Variants in CTIF observed in about 807,000 individuals in gnomAD.
CTIF encodes cap binding complex dependent translation initiation factor, also known as CBP80/20-dependent translation initiation factor.
A neutral mutation model predicts 66.0 loss-of-function variants in CTIF; 21 were observed. The observed-to-expected ratio is 0.32, with a 90% CI of 0.23 to 0.46. The LOEUF (loss-of-function observed/expected upper bound fraction) is 0.46. Ranked by LOEUF, CTIF falls within the 20% of genes least tolerant of loss-of-function variation. The pLI is 1.00. For synonymous variants in CTIF, 345 were observed against 326.4 expected (o/e 1.06, Z -0.62); for missense variants, 739 against 812.7 (o/e 0.91, Z 1.10).
intron 9 of CTIF, among the ~76,000 whole-genome samples, chr18:48,790,506 T>C (rs931541534): frequency 8.5e-5 from 13 of 152,204 alleles, no homozygotes; most frequent in Non-Finnish European, 1.5e-5. Flanking sequence ...CCCTTTGGCC[T>C]GGGCCCAGCT....
chr18:48,630,675 T>TA (rs2090688819), intron 2 of CTIF, among the ~76,000 whole-genome samples: 1 of 139,222 alleles, frequency 7.2e-6, no homozygotes, highest in African/African-American at 2.8e-5. Context: ...TTTTTTTTTT[T>TA]AATTAATTTA....
intron 11 of CTIF, among the ~76,000 whole-genome samples, chr18:48,858,689 C>G (rs1487055202): frequency 6.6e-6 from 1 of 152,108 alleles, no homozygotes; most frequent in Non-Finnish European, 1.5e-5. Context: ...AATAGGGGCT[C>G]CTTCCCAGTG....
At chr18:48,661,394 A>T (rs1030527067) in intron 3 of CTIF, among the ~76,000 whole-genome samples, 10 of 150,176 alleles carry the variant, frequency 6.7e-5, no homozygotes, top group African/African-American at 2.5e-4. Context: ...TGCATGTATG[A>T]TTTTTTTTTA....
At chr18:48,698,693 A>C (rs2145355319) in intron 6 of CTIF, among the ~76,000 whole-genome samples, 1 of 152,270 alleles carries the variant, frequency 6.6e-6, no homozygotes, top group East Asian at 1.9e-4. Context: ...CAACCTGGTC[A>C]TTCTGGTCTG....
chr18:48,674,047 C>T (rs150046540), intron 6 of CTIF, among the ~76,000 whole-genome samples: 220 of 152,346 alleles, frequency 1.4e-3, no homozygotes, highest in African/African-American at 4.8e-3. Flanking sequence ...GAGCACATGG[C>T]TGTTCTGTAA....
intron 7 of CTIF, among the ~76,000 whole-genome samples, chr18:48,754,946 C>G (rs960158019): frequency 1.8e-4 from 27 of 152,246 alleles, no homozygotes; most frequent in African/African-American, 6.3e-4. Context: ...GCAATTACTT[C>G]CTTCCCCCTC....
intron 10 of CTIF, among the ~76,000 whole-genome samples, chr18:48,835,755 G>T (rs2146493929): frequency 6.6e-6 from 1 of 152,320 alleles, no homozygotes; most frequent in South Asian, 2.1e-4. Flanking sequence ...TGAGGATCAA[G>T]TAGGACATGT....
chr18:48,738,150 C>G (rs11082699), intron 7 of CTIF, among the ~76,000 whole-genome samples: 39,186 of 152,128 alleles, frequency 0.26, 5,866 homozygotes, highest in East Asian at 0.64. Context: ...TTGACTCCAG[C>G]CCTTCTCTCC....
At chr18:48,747,590 G>T (rs964188705) in intron 7 of CTIF, among the ~76,000 whole-genome samples, 3 of 152,072 alleles carry the variant, frequency 2.0e-5, no homozygotes, top group African/African-American at 7.2e-5. Flanking sequence ...GAAAGTTTAG[G>T]AGAAGAGAAA....
intron 11 of CTIF, among the ~76,000 whole-genome samples, chr18:48,857,903 C>CA (rs571333474): frequency 8.5e-5 from 13 of 152,218 alleles, no homozygotes; most frequent in Non-Finnish European, 1.9e-4. Flanking sequence ...CCCTGTCCCC[C>CA]AAAGACCCCC....
At chr18:48,679,833 G>A (rs1434522951) in intron 6 of CTIF, among the ~76,000 whole-genome samples, 1 of 152,320 alleles carries the variant, frequency 6.6e-6, no homozygotes, top group South Asian at 2.1e-4. Flanking sequence ...TCCTGGAGGA[G>A]GTAGACCTGG....
intron 6 of CTIF, among the ~76,000 whole-genome samples, chr18:48,704,358 A>G (rs953663878): frequency 2.0e-5 from 3 of 152,252 alleles, no homozygotes; most frequent in Non-Finnish European, 4.4e-5. Context: ...AGCATTCAAC[A>G]TATACAAATT....
chr18:48,657,255 T>A (rs1382610833), intron 3 of CTIF, among the ~76,000 whole-genome samples: 2 of 152,270 alleles, frequency 1.3e-5, no homozygotes, highest in Non-Finnish European at 2.9e-5. Flanking sequence ...TAACATCCAC[T>A]GAAGAAGTTC....
chr18:48,813,007 T>C (rs1410389560), intron 9 of CTIF, among the ~76,000 whole-genome samples: 1 of 152,198 alleles, frequency 6.6e-6, no homozygotes, highest in African/African-American at 2.4e-5. Context: ...GTTTTTCTTT[T>C]TGTTTCTAGT....
At chr18:48,709,357 C>T (rs897806745) in intron 6 of CTIF, among the ~76,000 whole-genome samples, 5 of 152,240 alleles carry the variant, frequency 3.3e-5, no homozygotes, top group African/African-American at 7.2e-5. Flanking sequence ...CCGAGTGGCC[C>T]GGTATGCCCC....
intron 3 of CTIF, among the ~76,000 whole-genome samples, chr18:48,655,419 A>T (rs2091231259): frequency 6.6e-6 from 1 of 152,002 alleles, no homozygotes; most frequent in South Asian, 2.1e-4. Context: ...AGCTCAAACC[A>T]GACCCCCTGT....
At chr18:48,781,733 G>C (rs927319710) in intron 9 of CTIF, among the ~76,000 whole-genome samples, 2 of 152,104 alleles carry the variant, frequency 1.3e-5, no homozygotes, top group South Asian at 2.1e-4. Flanking sequence ...AAGGGAGGGG[G>C]CATGGGGGCA....
intron 1 of CTIF, among the ~76,000 whole-genome samples, chr18:48,575,596 T>A (rs1249088035): frequency 6.6e-6 from 1 of 152,196 alleles, no homozygotes; most frequent in Non-Finnish European, 1.5e-5. Context: ...TTTATTTATC[T>A]ATGCACCCCC....
intron 6 of CTIF, among the ~76,000 whole-genome samples, chr18:48,708,547 T>G (rs553221969): frequency 6.6e-6 from 1 of 152,298 alleles, no homozygotes; most frequent in Admixed American, 6.5e-5. Context: ...CATTCACTTA[T>G]CCACCTAGAT....
Sources: gnomAD v4.1 joint callset for allele counts (sites outside exome capture counted in the v4.1 genomes callset) on GRCh38, gnomAD v4.1.1 for gene constraint, MANE v1.5 for transcripts, NCBI Gene and HGNC (gene_info 2026-07-23, HGNC 2026-07-21) for gene names.